DIDO1: variants seen among roughly 807,000 people sequenced by gnomAD.
DIDO1 encodes death inducer-obliterator 1, also known as death-inducer obliterator 1.
A neutral mutation model predicts 99.4 loss-of-function variants in DIDO1; 16 were observed. The observed-to-expected ratio is 0.16, with a 90% CI of 0.11 to 0.24. The LOEUF is 0.24. DIDO1 is among the 10% of genes least tolerant of loss of function. The probability of loss-of-function intolerance (pLI) is 1.00; values close to 1 mark genes in which losing one functional copy is unlikely to be tolerated. For missense variants in DIDO1, 2,996 were observed against 3,014.0 expected (o/e 0.99, Z 0.14); for synonymous variants, 1,366 against 1,239.1 (o/e 1.10, Z -2.15).
chr20:62,891,243 C>A, intron 14 of DIDO1, 88 bp from the exon 15 acceptor site: 1 of 1,568,234 alleles, frequency 6.4e-7, no homozygotes, highest in Non-Finnish European at 8.6e-7. Context: ...AACAGGAAAC[C>A]TTGTCAGATC....
intron 6 of DIDO1, chr20:62,905,462 T>C: frequency 6.5e-7 from 1 of 1,539,500 alleles, no homozygotes. Flanking sequence ...GTGCTGGCCG[T>C]GGACAATGTG....
At chr20:62,916,605 A>AGAGT (rs1446526964) in intron 1 of DIDO1, among the ~76,000 whole-genome samples, 3 of 152,238 alleles carry the variant, frequency 2.0e-5, no homozygotes, top group Admixed American at 6.5e-5. Flanking sequence ...ATGAACAGGA[A>AGAGT]GAGTGGCCCT....
At chr20:62,919,137 A>C (rs1241442769) in intron 1 of DIDO1, among the ~76,000 whole-genome samples, 1 of 152,256 alleles carries the variant, frequency 6.6e-6, no homozygotes, top group African/African-American at 2.4e-5. Flanking sequence ...GAAGAAGCCC[A>C]ACTTTCATTT....
chr20:62,901,908 G>A (rs534991239), intron 6 of DIDO1, among the ~76,000 whole-genome samples: 4 of 151,566 alleles, frequency 2.6e-5, no homozygotes, highest in African/African-American at 7.3e-5. Context: ...TGTAGCAGGC[G>A]TCTTCAGAGC....
chr20:62,933,330 T>C (rs540493992), intron 1 of DIDO1, among the ~76,000 whole-genome samples: 1 of 152,320 alleles, frequency 6.6e-6, no homozygotes, highest in South Asian at 2.1e-4. Context: ...TTCATGAAAA[T>C]TGAGGTCTGA....
At chr20:62,887,762 C>T (rs530102191) in intron 15 of DIDO1, 49 of 985,484 alleles carry the variant, frequency 5.0e-5, no homozygotes, top group South Asian at 1.4e-4. Context: ...TGAGACAGGC[C>T]GGGACTCTGC....
chr20:62,896,224 G>C lies in DIDO1; in HGVS notation c.2214+9C>G. On this transcript the variant is annotated intron_variant, in intron 8 of 15. Transcript: ENST00000395343. This position sits in a 1 kb window ranked among gnomAD's most constrained non-coding sequence, Gnocchi z 4.4. Reference sequence around the variant, plus strand: ...GGAATACTCCAATGCACCGACACCAGGCACACACCTGATTTTTAGGGTCCT... The same window carrying C: ...GGAATACTCCAATGCACCGACACCACGCACACACCTGATTTTTAGGGTCCT... 1 of 1,611,708 alleles carries C rather than the reference G, an allele frequency of 6.2e-7. No homozygotes were observed. Among genetic ancestry groups the C allele is most frequent in the Non-Finnish European group, 8.5e-7 (1 of 1,179,138 alleles).
intron 6 of DIDO1, among the ~76,000 whole-genome samples, chr20:62,903,695 A>G (rs1369116830): frequency 5.3e-5 from 8 of 152,252 alleles, no homozygotes; most frequent in Non-Finnish European, 8.8e-5. Flanking sequence ...AGCAGAAGCT[A>G]CTAGCTCAAA....
At position 62,905,417 on chromosome 20, in the gene DIDO1, A is replaced by G. The variant is rs972396705; in HGVS notation, c.1588+470T>C. 1.0e-5 allele frequency: 15 copies of G among 1,494,266 alleles called. No individual in the cohort carries two copies. The African/African-American group carries it at 2.1e-4, about 21-fold the overall frequency. The allele number at this position is 1,494,266 out of a possible 1,614,324, so 92.6% of individuals were successfully genotyped here. On this transcript the variant is annotated intron_variant, in intron 6 of 15. Coordinates refer to ENST00000395343, the MANE Select transcript of DIDO1 (RefSeq NM_001193369.2). ...TCAGATGCAACACTAACTTGCAAAG[A>G]TTCCCACAACATAAAAAAGAAGTGA...
chr20:62,879,434 C>G lies in DIDO1; in HGVS notation c.6522G>C (p.Glu2174Asp). 1.3e-6 allele frequency: 2 copies of G among 1,547,946 alleles called. No individual in the cohort carries two copies. Among genetic ancestry groups the G allele is most frequent in the Non-Finnish European group, 1.7e-6 (2 of 1,152,064 alleles). ...GCTCGCGCTCTCGGTTCCTGCTCCG[C>G]TCCCGGCTGCGGTCCCACTCCTTGC... Reference protein sequence around the residue: ...DRGKEWDRSRERSRNRERERD... With the variant: ...DRGKEWDRSRDRSRNRERERD... Residue 2174 changes from glutamate (E) to aspartate (D), a missense_variant, in exon 16 of 16, where the codon GAG (glutamate) becomes GAC (aspartate). Glu to Asp is a conservative substitution (Grantham distance 45, BLOSUM62 2). Coordinates refer to ENST00000395343, the MANE Select transcript of DIDO1 (RefSeq NM_001193369.2). The surrounding 1 kb of genome is among the most constrained non-coding windows in gnomAD (Gnocchi z 6.3).
At position 62,893,861 on chromosome 20, in the gene DIDO1, C is replaced by G. The variant is rs1238942209; in HGVS notation, c.2906G>C (p.Arg969Thr). 6.2e-7 allele frequency: 1 copy of G among 1,613,426 alleles called. No individual in the cohort carries two copies. Among genetic ancestry groups the G allele is most frequent in the Non-Finnish European group, 8.5e-7 (1 of 1,179,682 alleles). ...TTVTVSGRDP[R>T]TAPSSSCTAV... ...TGTGCATGAACTGCTTGGAGCGGTC[C>G]TGGGGTCCCGGCCGGACACTGTGAC... The change falls in exon 12 of 16, where the codon AGG (arginine) becomes ACG (threonine). Residue 969 changes from arginine to threonine, a missense_variant. Transcript: ENST00000395343.
chr20:62,900,674 A>T (rs943162378), intron 6 of DIDO1, among the ~76,000 whole-genome samples: 2 of 152,320 alleles, frequency 1.3e-5, no homozygotes, highest in Admixed American at 6.5e-5. Context: ...TATAAAAATC[A>T]CTAAAATAAA....
rs375742202 is a variant in DIDO1 at position 62,879,566 on chromosome 20, G to A, written c.6390C>T (p.Asp2130=). 109 of 1,601,564 alleles carry A rather than the reference G, an allele frequency of 6.8e-5. No individual in the cohort carries two copies. The highest frequency in any genetic ancestry group is 8.7e-5 in the Non-Finnish European group (103 of 1,179,468). Residue 2130 remains aspartate, a synonymous_variant, in exon 16 of 16, where the codon GAC becomes GAT. Coordinates refer to ENST00000395343, the MANE Select transcript of DIDO1 (RefSeq NM_001193369.2). This position sits in a 1 kb window ranked among gnomAD's most constrained non-coding sequence, Gnocchi z 6.3. ...GRNWSRERDW[D]RPREWDRHRD... The stretch of plus-strand genomic sequence containing the variant: ...GGTGTCGGTCCCACTCCCGGGGCCG[G>A]TCCCAGTCCCGCTCTCGGCTCCAGT...
At position 62,879,225 on chromosome 20, in the gene DIDO1, C is replaced by A. The variant is rs1391067773; in HGVS notation, c.*8G>T. 1 of 1,488,334 alleles carries A rather than the reference C, an allele frequency of 6.7e-7. No homozygotes were observed. The highest frequency in any genetic ancestry group is 8.9e-7 in the Non-Finnish European group (1 of 1,124,820). The allele number at this position is 1,488,334 out of a possible 1,614,324, so 92.2% of individuals were successfully genotyped here. On this transcript the variant is annotated 3_prime_UTR_variant, in exon 16 of 16. Transcript: ENST00000395343. This position sits in a 1 kb window ranked among gnomAD's most constrained non-coding sequence, Gnocchi z 6.3. The stretch of plus-strand genomic sequence containing the variant: ...GCTTTAAAAAGGGTCTCTGCCCGGC[C>A]GGGGCGTCTAGGCCTGCGAGGCGGT...
chr20:62,917,786 C>T (rs2065065939), intron 1 of DIDO1, among the ~76,000 whole-genome samples: 1 of 152,242 alleles, frequency 6.6e-6, no homozygotes, highest in Admixed American at 6.5e-5. Flanking sequence ...GGTGCCCATG[C>T]ACGGTGCTGA....
At chr20:62,932,256 G>C (rs1296040772) in intron 1 of DIDO1, among the ~76,000 whole-genome samples, 1 of 152,206 alleles carries the variant, frequency 6.6e-6, no homozygotes, top group Admixed American at 6.5e-5. Context: ...ACTTTGGGAG[G>C]CCCAGGAGAG....
At chr20:62,921,043 G>A (rs2065126467) in intron 1 of DIDO1, among the ~76,000 whole-genome samples, 1 of 152,078 alleles carries the variant, frequency 6.6e-6, no homozygotes, top group African/African-American at 2.4e-5. Context: ...ACAGGCGTGT[G>A]CCACCATGCC....
chr20:62,927,527 G>T (rs538176592), upstream of DIDO1, among the ~76,000 whole-genome samples: 9 of 152,246 alleles, frequency 5.9e-5, no homozygotes, highest in Non-Finnish European at 1.0e-4. Flanking sequence ...GGGACCTGGG[G>T]GGGGTGGAGG....
In DIDO1 at chr20:62,894,931, G is replaced by GA. The variant is rs2064485368; in HGVS notation, c.2332-18dup. 5 of 1,610,782 alleles carry GA rather than the reference G, an allele frequency of 3.1e-6. No homozygotes were observed. The African/African-American group carries it at 4.0e-5, about 13-fold the overall frequency. ...CTCCATCACCTGAAATGAAAAAGAC[G>GA]AAACAGAGCTTAGGCCTTGTTTTCT... On this transcript the variant is annotated splice_polypyrimidine_tract_variant and intron_variant, in intron 9 of 15. Coordinates refer to ENST00000395343, the MANE Select transcript of DIDO1 (RefSeq NM_001193369.2). The surrounding 1 kb of genome is among the most constrained non-coding windows in gnomAD (Gnocchi z 4.4).
Sources: allele counts gnomAD v4.1 joint callset (sites outside exome capture counted in the v4.1 genomes callset), GRCh38; gene constraint gnomAD v4.1.1; non-coding constraint Gnocchi (gnomAD v3.1); transcripts MANE v1.5; gene names NCBI Gene and HGNC (gene_info 2026-07-23, HGNC 2026-07-21).